Variants in JAZF1 observed in about 807,000 individuals in gnomAD.
The protein encoded by JAZF1 is juxtaposed with another zinc finger protein 1.
JAZF1 carries 8 observed loss-of-function variants against 26.4 expected under a neutral mutation model. The ratio of observed to expected loss-of-function variants is 0.30; its 90% CI spans 0.18 to 0.55. The LOEUF is 0.55. JAZF1 is among the 20% of genes least tolerant of loss of function. JAZF1 has a pLI of 0.94. For synonymous variants in JAZF1, 126 were observed against 122.3 expected, an observed-to-expected ratio of 1.03 and a Z score of -0.20; for missense variants, 199 against 322.0, an observed-to-expected ratio of 0.62 and a Z score of 2.92.
At chr7:28,125,967 C>T (rs960699506) in intron 1 of JAZF1, among the ~76,000 whole-genome samples, 2 of 152,096 alleles carry the variant, frequency 1.3e-5, no homozygotes, top group African/African-American at 4.8e-5. Context: ...GGAACAAGAC[C>T]TTTGGGTGAC....
At chr7:28,103,794 C>A (rs1233598071) in intron 1 of JAZF1, among the ~76,000 whole-genome samples, 1 of 152,142 alleles carries the variant, frequency 6.6e-6, no homozygotes, top group Non-Finnish European at 1.5e-5. Flanking sequence ...TATTGCAATC[C>A]CCTCTTAATC....
At chr7:27,892,914 A>G (rs1783996511) in intron 3 of JAZF1, among the ~76,000 whole-genome samples, 1 of 152,344 alleles carries the variant, frequency 6.6e-6, no homozygotes, top group African/African-American at 2.4e-5. Context: ...TTGACAAAAA[A>G]TCTATATAAT....
At position 28,064,097 on chromosome 7, in the gene JAZF1, T is replaced by C. The variant is rs139102321; in HGVS notation, c.116-72116A>G. Among the ~76,000 whole-genome samples, 694 of 151,950 alleles carry C rather than the reference T, an allele frequency of 4.6e-3. 2 individuals are homozygous for C. Among genetic ancestry groups the C allele is most frequent in the African/African-American group, 0.016 (668 of 41,470 alleles). ...GCCAAGAGTTAAAAAAAATTGGACA[T>C]CCTGTAAATTATAATTTAAAAAATA... On this transcript the variant is annotated intron_variant, in intron 1 of 4. Transcript: ENST00000283928.
intron 1 of JAZF1, among the ~76,000 whole-genome samples, chr7:28,105,777 T>C (rs2008123): frequency 0.9 from 136,976 of 152,240 alleles, 61,875 homozygotes; most frequent in East Asian, 0.98. Flanking sequence ...GAAGAGTCTA[T>C]CAGAAAGAAT....
At chr7:27,934,766 G>T (rs1179038025) in intron 2 of JAZF1, among the ~76,000 whole-genome samples, 1 of 152,040 alleles carries the variant, frequency 6.6e-6, no homozygotes, top group Admixed American at 6.6e-5. Context: ...AGAAAACACA[G>T]GAATAAATCC....
rs537965167 is a variant in JAZF1 at position 27,875,091 on chromosome 7, C to T, written c.385+20129G>A. ...GGCGGTCAGTGATTTAAGACCATGT[C>T]TTGATTCTAAAAGATAGTCCTTGAC... On this transcript the variant is annotated intron_variant, in intron 3 of 4. Transcript: ENST00000283928. Among the ~76,000 whole-genome samples the T allele has an allele frequency of 3.3e-5, 5 of 152,276 alleles. 1 individual carries two copies. In the South Asian group the frequency reaches 1.0e-3, roughly 32 times the overall value.
intron 1 of JAZF1, among the ~76,000 whole-genome samples, chr7:28,018,227 G>A (rs765022236): frequency 3.9e-5 from 6 of 152,238 alleles, no homozygotes; most frequent in African/African-American, 7.2e-5. Context: ...TGGAGGAGGA[G>A]TCGGCCAGGG....
At chr7:27,991,835 T>G in intron 2 of JAZF1, 74 bp downstream of exon 2, 1 of 840,808 alleles carries the variant, frequency 1.2e-6, no homozygotes, top group South Asian at 1.6e-5. Context: ...TCCACTCTGT[T>G]AAAAAAGATG....
chr7:28,080,640 C>T (rs1377655469), intron 1 of JAZF1, among the ~76,000 whole-genome samples: 1 of 152,090 alleles, frequency 6.6e-6, no homozygotes, highest in African/African-American at 2.4e-5. Flanking sequence ...TTCAACACTG[C>T]CATGTCTCCA....
chr7:28,028,772 T>C (rs944499868), intron 1 of JAZF1, among the ~76,000 whole-genome samples: 3 of 152,202 alleles, frequency 2.0e-5, no homozygotes, highest in Admixed American at 6.5e-5. Context: ...ATGCCAGCCA[T>C]TGCTCAGGAT....
intron 3 of JAZF1, among the ~76,000 whole-genome samples, chr7:27,857,309 G>A (rs570628807): frequency 7.2e-5 from 11 of 152,300 alleles, no homozygotes; most frequent in Admixed American, 3.3e-4. Context: ...CTCCGAGTGC[G>A]GGGACCGCCG....
At chr7:28,033,377 A>G (rs373669198) in intron 1 of JAZF1, among the ~76,000 whole-genome samples, 41 of 152,330 alleles carry the variant, frequency 2.7e-4, no homozygotes, top group East Asian at 2.5e-3. Context: ...ATGGCAGCAG[A>G]CTGTGGCTCT....
At chr7:27,858,286 C>A (rs1469157671) in intron 3 of JAZF1, among the ~76,000 whole-genome samples, 1 of 152,104 alleles carries the variant, frequency 6.6e-6, no homozygotes, top group Admixed American at 6.5e-5. Flanking sequence ...GAATCAATAT[C>A]GTGAAAATGG....
At chr7:27,845,711 A>AAAAAAGAAAG (rs1554328474) in intron 3 of JAZF1, among the ~76,000 whole-genome samples, 25 of 137,702 alleles carry the variant, frequency 1.8e-4, no homozygotes, top group Middle Eastern at 3.8e-3. Context: ...AAAAAAAAAA[A>AAAAAAGAAAG]AAAGAAAAGA....
At position 28,126,006 on chromosome 7, in the gene JAZF1, AT is replaced by A. The variant is rs1268678242; in HGVS notation, c.115+54456del. 2.0e-5 allele frequency among the ~76,000 whole-genome samples: 3 copies of A among 152,062 alleles called. No individual in the cohort carries two copies. The East Asian group carries it at 5.8e-4, about 29-fold the overall frequency. ...ACCGGAATGGGATCCAAGCAAACAA[AT>A]TCCCTACAAGACTGCCAAATAAGGC... On this transcript the variant is annotated intron_variant, in intron 1 of 4. Transcript: ENST00000283928.
intron 1 of JAZF1, among the ~76,000 whole-genome samples, chr7:28,104,729 C>T (rs542144518): frequency 8.5e-5 from 13 of 152,262 alleles, no homozygotes; most frequent in South Asian, 6.2e-4. Context: ...GTATTAGGTT[C>T]GCAGACCCAC....
At chr7:28,097,150 A>G (rs1398236163) in intron 1 of JAZF1, among the ~76,000 whole-genome samples, 1 of 152,060 alleles carries the variant, frequency 6.6e-6, no homozygotes, top group African/African-American at 2.4e-5. Flanking sequence ...CCTCTGCCAC[A>G]CTAACCAACT....
At chr7:28,106,297 T>C (rs993172228) in intron 1 of JAZF1, among the ~76,000 whole-genome samples, 3 of 152,196 alleles carry the variant, frequency 2.0e-5, no homozygotes, top group Non-Finnish European at 4.4e-5. Context: ...GGGTTGATAT[T>C]TTCATCACAC....
At chr7:27,996,386 G>C (rs946673067) in intron 1 of JAZF1, among the ~76,000 whole-genome samples, 1 of 152,158 alleles carries the variant, frequency 6.6e-6, no homozygotes, top group Admixed American at 6.5e-5. Context: ...CAAACACCAG[G>C]TTCTTTTTTA....
Sources: allele counts gnomAD v4.1 joint callset (sites outside exome capture counted in the v4.1 genomes callset), GRCh38; gene constraint gnomAD v4.1.1; transcripts MANE v1.5; gene names NCBI Gene and HGNC (gene_info 2026-07-23, HGNC 2026-07-21).